SLC7A8: variants seen among roughly 807,000 people sequenced by gnomAD.
SLC7A8 encodes solute carrier family 7 member 8, also known as large neutral amino acids transporter small subunit 2.
Under a neutral mutation model 51.2 loss-of-function variants are expected in SLC7A8, and 30 were observed. That is an observed-to-expected ratio of 0.59 (90% CI 0.44 to 0.80). The LOEUF is 0.80. Ranked by LOEUF, SLC7A8 falls within the 30% of genes least tolerant of loss-of-function variation. The pLI is 0.00. For synonymous variants in SLC7A8, 257 were observed against 275.8 expected (o/e 0.93, Z 0.67); for missense variants, 612 against 674.4 (o/e 0.91, Z 1.03).
Position 23,131,640 on chromosome 14 carries a change from C to T in SLC7A8, c.1017-83G>A, listed in dbSNP as rs984634122. 1.8e-5 allele frequency: 20 copies of T among 1,095,040 alleles called. No homozygotes were observed. In the East Asian group the frequency reaches 4.6e-4, roughly 25 times the overall value. 67.8% of individuals were successfully genotyped at this position (1,095,040 alleles called of 1,614,324 possible). On this transcript the variant is annotated intron_variant, in intron 7 of 10. Coordinates refer to ENST00000316902, the MANE Select transcript of SLC7A8 (RefSeq NM_012244.4). ...TCCTTCATCCTTGCCTACCTTCTGC[C>T]CACACAGGGGCATCCCCACTCCAAC...
intron 3 of SLC7A8, among the ~76,000 whole-genome samples, chr14:23,156,156 G>T (rs1262219939): frequency 1.3e-5 from 2 of 151,792 alleles, no homozygotes; most frequent in African/African-American, 4.8e-5. Flanking sequence ...ATGTCACCAC[G>T]CCCGGCTAAT....
chr14:23,153,812 G>C (rs2048868062), intron 3 of SLC7A8, among the ~76,000 whole-genome samples: 1 of 152,244 alleles, frequency 6.6e-6, no homozygotes, highest in East Asian at 1.9e-4. Flanking sequence ...GCTTGGAAAG[G>C]CTTGGTTTTC....
intron 3 of SLC7A8, among the ~76,000 whole-genome samples, chr14:23,154,943 T>C (rs2048879111): frequency 1.5e-5 from 2 of 129,350 alleles, no homozygotes; most frequent in South Asian, 2.3e-4. Flanking sequence ...ATAACTTGAC[T>C]GGTGAAAGAG....
chr14:23,139,037 GTGCAAGATTA>G (rs2048717050), intron 6 of SLC7A8, among the ~76,000 whole-genome samples: 1 of 152,210 alleles, frequency 6.6e-6, no homozygotes, highest in African/African-American at 2.4e-5. Context: ...GGCATGTCTT[GTGCAAGATTA>G]TGTCTTTCTG....
At chr14:23,141,260 G>A (rs2048742673) in intron 4 of SLC7A8, among the ~76,000 whole-genome samples, 1 of 152,024 alleles carries the variant, frequency 6.6e-6, no homozygotes, top group Non-Finnish European at 1.5e-5. Context: ...ACTCCAGGGT[G>A]GATGACAGAG....
intron 2 of SLC7A8, 134 bp downstream of exon 2, chr14:23,166,202 C>T (rs947492111): frequency 3.5e-6 from 3 of 864,258 alleles, no homozygotes; most frequent in Admixed American, 2.2e-5. Flanking sequence ...GCAGAAGAGA[C>T]ATTCCATTCA....
chr14:23,172,276 G>A (rs2048978631), intron 1 of SLC7A8, among the ~76,000 whole-genome samples: 1 of 152,190 alleles, frequency 6.6e-6, no homozygotes, highest in African/African-American at 2.4e-5. Context: ...AAACAGCACT[G>A]TACAGCCAGG....
intron 3 of SLC7A8, chr14:23,155,168 CGTTTTA>C (rs1392409797): frequency 6.5e-7 from 1 of 1,535,776 alleles, no homozygotes; most frequent in African/African-American, 1.4e-5. Flanking sequence ...GCACTTACAA[CGTTTTA>C]GAAATCTCGG....
intron 1 of SLC7A8, among the ~76,000 whole-genome samples, chr14:23,178,903 A>AAC (rs1430662208): frequency 6.6e-6 from 1 of 151,102 alleles, no homozygotes; most frequent in Non-Finnish European, 1.5e-5. Context: ...AAAAAAAAAA[A>AAC]AAAAAATGAA....
At chr14:23,145,526 CA>C (rs1406855619) in intron 3 of SLC7A8, among the ~76,000 whole-genome samples, 1 of 41,800 alleles carries the variant, frequency 2.4e-5, no homozygotes, top group African/African-American at 1.0e-4. Flanking sequence ...GACCACATCT[CA>C]AAAAAAAAAG....
At chr14:23,139,609 G>A in intron 5 of SLC7A8, 62 bp from the exon 6 acceptor site, 2 of 1,559,850 alleles carry the variant, frequency 1.3e-6, no homozygotes, top group Non-Finnish European at 8.7e-7. Flanking sequence ...TTGCCATGGA[G>A]TCCAGGGGGT....
At chr14:23,176,566 AC>A (rs1354793239) in intron 1 of SLC7A8, among the ~76,000 whole-genome samples, 2 of 152,184 alleles carry the variant, frequency 1.3e-5, no homozygotes, top group African/African-American at 4.8e-5. Flanking sequence ...TTTTTAACGT[AC>A]AGGTAATTAT....
At chr14:23,143,847 G>C (rs898202056) in intron 3 of SLC7A8, among the ~76,000 whole-genome samples, 3 of 152,014 alleles carry the variant, frequency 2.0e-5, no homozygotes, top group African/African-American at 7.3e-5. Context: ...CCATTACTTT[G>C]ACTTCTGTCC....
chr14:23,131,697 C>T, intron 7 of SLC7A8, 140 bp from the exon 8 acceptor site: 3 of 577,332 alleles, frequency 5.2e-6, no homozygotes, highest in African/African-American at 1.9e-5. Context: ...ATACTTTCCA[C>T]CCCACCAGTC....
At chr14:23,178,885 CAAAAAAA>C (rs386380884) in intron 1 of SLC7A8, among the ~76,000 whole-genome samples, 15 of 78,756 alleles carry the variant, frequency 1.9e-4, no homozygotes, top group Non-Finnish European at 3.4e-4. Context: ...ATCTTGTCTC[CAAAAAAA>C]AAAAAAAAAA....
At chr14:23,160,415 C>CA (rs2048915039) in intron 3 of SLC7A8, among the ~76,000 whole-genome samples, 1 of 151,902 alleles carries the variant, frequency 6.6e-6, no homozygotes. Flanking sequence ...ACTAAAAACA[C>CA]AAAAAATTAG....
intron 7 of SLC7A8, among the ~76,000 whole-genome samples, chr14:23,132,195 G>A (rs1207243488): frequency 6.6e-6 from 1 of 151,762 alleles, no homozygotes; most frequent in Non-Finnish European, 1.5e-5. Context: ...GTAGAGACGG[G>A]GTTTCACCAT....
chr14:23,168,168 C>A lies in SLC7A8; in HGVS notation c.152-1628G>T, dbSNP rs553156180. On this transcript the variant is annotated intron_variant, in intron 1 of 10. Transcript: ENST00000316902. ...AGATAGAAAAAGGAGATTCTGAGTGCCACCAATCCTTTACAGACTTTTCCT... is the reference window on the plus strand; with the variant it reads ...AGATAGAAAAAGGAGATTCTGAGTGACACCAATCCTTTACAGACTTTTCCT... Among the ~76,000 whole-genome samples, 4 of 152,252 alleles carry A rather than the reference C, an allele frequency of 2.6e-5. No homozygotes were observed. The East Asian group carries it at 7.7e-4, about 29-fold the overall frequency.
rs554143430 is a variant in SLC7A8, at chr14:23,130,027, T to G, written c.1114-228A>C. ...GATGATCAAAATATTTAACCACTCG[T>G]ATGGCACGGGCACTAGCCAATTAGA... On this transcript the variant is annotated intron_variant, in intron 8 of 10. Transcript: ENST00000316902. 2.6e-4 allele frequency: 137 copies of G among 522,384 alleles called. 1 individual carries two copies. The highest frequency in any genetic ancestry group is 2.5e-3 in the African/African-American group (128 of 51,912). 32.4% of individuals were successfully genotyped at this position (522,384 alleles called of 1,614,324 possible). A position where few individuals can be genotyped will look rare whatever the true frequency, so the allele number is the denominator to read the frequency against.
Sources: allele counts gnomAD v4.1 joint callset (sites outside exome capture counted in the v4.1 genomes callset), GRCh38; gene constraint gnomAD v4.1.1; transcripts MANE v1.5; gene names NCBI Gene and HGNC (gene_info 2026-07-23, HGNC 2026-07-21).